Variants in WRAP53 observed in about 807,000 individuals in gnomAD.
WRAP53 encodes WD repeat containing antisense to TP53.
WRAP53 carries 28 observed loss-of-function variants against 56.6 expected under a neutral mutation model. That is an observed-to-expected ratio of 0.50 (90% CI 0.37 to 0.68). The LOEUF is 0.68. Among genes scored for constraint, WRAP53 ranks in the 30% least tolerant of loss-of-function variants. WRAP53 has a pLI of 0.00. For missense variants in WRAP53, 671 were observed against 715.5 expected (o/e 0.94, Z 0.71); for synonymous variants, 283 against 283.4 (o/e 1.00, Z 0.01).
rs376918892 is a variant in WRAP53 at position 7,702,321 on chromosome 17, C to G, written c.956-23C>G. 4.6e-5 allele frequency: 74 copies of G among 1,613,762 alleles called. No homozygotes were observed. Among genetic ancestry groups the G allele is most frequent in the Middle Eastern group, 1.6e-4 (1 of 6,084 alleles). On this transcript the variant is annotated intron_variant, in intron 7 of 10. Transcript: ENST00000396463. The surrounding 1 kb of genome is among the most constrained non-coding windows in gnomAD (Gnocchi z 5.0). Reference sequence around the variant, plus strand: ...TGCCAGGAGCCATTGCCCCCTCCCCCACTTTGTTCCTTCCCTCTCTAGCAA... The same window carrying G: ...TGCCAGGAGCCATTGCCCCCTCCCCGACTTTGTTCCTTCCCTCTCTAGCAA...
In WRAP53 at chr17:7,702,489, A is replaced by AG. The variant is rs1250469709; in HGVS notation, c.1106dup (p.Ile370HisfsTer22). On this transcript the variant is annotated frameshift_variant, in exon 8 of 11. Transcript: ENST00000396463. LOFTEE classifies it high-confidence loss of function. The surrounding 1 kb of genome is among the most constrained non-coding windows in gnomAD (Gnocchi z 5.0). Reference sequence around the variant, plus strand: ...CTCTCGCCTTGCTGGGAGGGCACCAAGGGGGCATCACCCACCTCTGCTTTC... The same window carrying AG: ...CTCTCGCCTTGCTGGGAGGGCACCAAGGGGGGCATCACCCACCTCTGCTTTC... The AG allele has an allele frequency of 6.2e-7, 1 of 1,613,514 alleles. No homozygotes were observed. Among genetic ancestry groups the AG allele is most frequent in the Admixed American group, 1.7e-5 (1 of 59,992 alleles).
intron 4 of WRAP53, among the ~76,000 whole-genome samples, chr17:7,693,476 T>TG (rs2074141594): frequency 6.6e-6 from 1 of 152,114 alleles, no homozygotes; most frequent in Non-Finnish European, 1.5e-5. Context: ...CCCAGCACTT[T>TG]GGGGGGCCGA....
At chr17:7,689,820 G>A (rs891175347) in intron 4 of WRAP53, 119 bp downstream of exon 4, 3 of 803,038 alleles carry the variant, frequency 3.7e-6, no homozygotes, top group Non-Finnish European at 6.1e-6. Flanking sequence ...TTCAAGACGA[G>A]TTTCCACATG....
chr17:7,694,037 CTT>C (rs1226345523), intron 4 of WRAP53, among the ~76,000 whole-genome samples: 4 of 152,106 alleles, frequency 2.6e-5, no homozygotes, highest in Admixed American at 2.6e-4. Flanking sequence ...AATCCCGACA[CTT>C]TGGGAGGCCG....
intron 4 of WRAP53, among the ~76,000 whole-genome samples, chr17:7,694,511 GGGATTACAGGCGTGAGCC>G (rs1360222412): frequency 6.6e-6 from 1 of 152,168 alleles, no homozygotes; most frequent in Non-Finnish European, 1.5e-5. Flanking sequence ...CTAAAGTGCT[GGGATTACAGGCGTGAGCC>G]ACTGCTCCTG....
At chr17:7,695,244 T>C (rs772914125) in intron 4 of WRAP53, among the ~76,000 whole-genome samples, 2 of 152,126 alleles carry the variant, frequency 1.3e-5, no homozygotes, top group African/African-American at 2.4e-5. Flanking sequence ...CGTGAGCCAC[T>C]GCACCCGGCC....
At chr17:7,686,396 C>T (rs1442661951), upstream of WRAP53, 1 of 152,212 alleles carries the variant, frequency 6.6e-6, no homozygotes, top group Non-Finnish European at 1.5e-5. Context: ...CCCTGTCTCA[C>T]GCCATGGTAG....
At chr17:7,689,433 C>T in intron 3 of WRAP53, 111 bp downstream of exon 3, 3 of 1,289,064 alleles carry the variant, frequency 2.3e-6, no homozygotes, top group South Asian at 1.2e-5. Flanking sequence ...GGCACGTAGC[C>T]CTTTTAGACT....
rs776365863 is a variant in WRAP53 at position 7,701,405 on chromosome 17, A to G, written c.732-54A>G. 6 of 1,599,584 alleles carry G rather than the reference A, an allele frequency of 3.8e-6. No individual in the cohort carries two copies. The South Asian group carries it at 4.4e-5, about 12-fold the overall frequency. ...CAGGCATGAGCCACTGTGCCCGGCC[A>G]TTCCTCCCCTTCCTTTGACAGCACC... is the stretch of plus-strand genomic sequence containing the variant. On this transcript the variant is annotated intron_variant, in intron 5 of 10. Coordinates refer to ENST00000396463, the MANE Select transcript of WRAP53 (RefSeq NM_001143992.2). The surrounding 1 kb of genome is among the most constrained non-coding windows in gnomAD (Gnocchi z 4.2).
chr17:7,699,458 T>TTTTA (rs1451823755), intron 4 of WRAP53, among the ~76,000 whole-genome samples: 8 of 39,878 alleles, frequency 2.0e-4, no homozygotes, highest in Non-Finnish European at 2.8e-4. Flanking sequence ...ATATATATAT[T>TTTTA]TATATATATA....
At chr17:7,687,016 T>C (rs1305657832), upstream of WRAP53, 1 of 282,772 alleles carries the variant, frequency 3.5e-6, no homozygotes, top group Non-Finnish European at 6.5e-6. Context: ...GATCCAAAAG[T>C]CTCAGACCTC....
chr17:7,702,231 G>C lies in WRAP53; in HGVS notation c.956-113G>C. The C allele has an allele frequency of 8.9e-7, 1 of 1,124,212 alleles. No homozygotes were observed. The highest frequency in any genetic ancestry group is 1.3e-6 in the Non-Finnish European group (1 of 748,660). 69.6% of individuals were successfully genotyped at this position (1,124,212 alleles called of 1,614,324 possible). ...TCCTGCTTGTGACAGACAGCATGGG[G>C]GGGATGTTGAGTCCAAGCATGTTGG... On this transcript the variant is annotated intron_variant, in intron 7 of 10. Transcript: ENST00000396463. This position sits in a 1 kb window ranked among gnomAD's most constrained non-coding sequence, Gnocchi z 5.0.
intron 4 of WRAP53, among the ~76,000 whole-genome samples, chr17:7,693,431 A>C (rs932757073): frequency 6.6e-6 from 1 of 152,068 alleles, no homozygotes; most frequent in African/African-American, 2.4e-5. Flanking sequence ...GAATTAAAGC[A>C]CTTAAGGCCG....
In WRAP53 at chr17:7,701,889, G is replaced by A. The variant is rs779179559; in HGVS notation, c.955+100G>A. On this transcript the variant is annotated intron_variant, in intron 7 of 10. Transcript: ENST00000396463. This position sits in a 1 kb window ranked among gnomAD's most constrained non-coding sequence, Gnocchi z 4.2. ...GGGGCCACCTGTGGGGGTTCACGCCGTCCTCTGTACGGCCCCGGGAGCAGG... is the reference window on the plus strand; with the variant it reads ...GGGGCCACCTGTGGGGGTTCACGCCATCCTCTGTACGGCCCCGGGAGCAGG... 20 of 1,533,866 alleles carry A rather than the reference G, an allele frequency of 1.3e-5. No homozygotes were observed. The highest frequency in any genetic ancestry group is 3.6e-5 in the South Asian group (3 of 84,398).
intron 4 of WRAP53, among the ~76,000 whole-genome samples, chr17:7,696,987 C>T (rs1158797347): frequency 2.0e-5 from 3 of 152,118 alleles, no homozygotes; most frequent in Non-Finnish European, 4.4e-5. Flanking sequence ...AGACAACTGA[C>T]GAAGGACAGT....
intron 4 of WRAP53, among the ~76,000 whole-genome samples, chr17:7,690,384 G>A (rs1459454799): frequency 1.3e-5 from 2 of 152,212 alleles, no homozygotes; most frequent in African/African-American, 2.4e-5. Context: ...GCAAGCATCA[G>A]GACCAAGATG....
At chr17:7,700,877 A>G (rs933781000) in intron 5 of WRAP53, 48 bp downstream of exon 5, 1 of 1,418,930 alleles carries the variant, frequency 7.0e-7, no homozygotes, top group Non-Finnish European at 1.0e-6. Flanking sequence ...CCCAGTTTCA[A>G]GCAGGGCCTC....
chr17:7,698,471 C>G (rs1157806664), intron 4 of WRAP53, among the ~76,000 whole-genome samples: 1 of 152,260 alleles, frequency 6.6e-6, no homozygotes. Flanking sequence ...GTGGCTCATG[C>G]TTGTAATCCC....
In WRAP53 at chr17:7,689,690, T is replaced by C; in HGVS notation, c.631T>C (p.Tyr211His). The stretch of plus-strand genomic sequence containing the variant: ...GTACCATGAGGGGGAGCAGGTGGAA[T>C]ATGCAGAAATGGTAAGGACTGGGGC... ...ELYHEGEQVE[Y>H]AEMVPVLRMV... Residue 211 changes from tyrosine to histidine, a missense_variant, in exon 4 of 11, where the codon TAT becomes CAT. Around this residue, in one of 3 missense-constraint regions of WRAP53, gnomAD observed 406 missense variants for 418.5 expected, o/e 0.97. Coordinates refer to ENST00000396463, the MANE Select transcript of WRAP53 (RefSeq NM_001143992.2). The C allele has an allele frequency of 6.2e-7, 1 of 1,613,858 alleles. No individual in the cohort carries two copies. Among genetic ancestry groups the C allele is most frequent in the Non-Finnish European group, 8.5e-7 (1 of 1,179,734 alleles).
Sources: gnomAD v4.1 joint callset for allele counts (sites outside exome capture counted in the v4.1 genomes callset) on GRCh38, gnomAD v4.1.1 for gene constraint, gnomAD v4.1.1 regional missense constraint, Gnocchi (gnomAD v3.1) non-coding constraint, MANE v1.5 for transcripts, NCBI Gene and HGNC (gene_info 2026-07-23, HGNC 2026-07-21) for gene names.